Variants in GALNT13 observed in about 807,000 individuals in gnomAD.
GALNT13 encodes the protein polypeptide N-acetylgalactosaminyltransferase 13, also known as UDP-GalNAc:polypeptide N-acetylgalactosaminyltransferase 13.
In GALNT13, 28 loss-of-function variants were observed where a neutral mutation model predicts 64.2. The observed-to-expected ratio is 0.44, with a 90% CI of 0.32 to 0.60. The LOEUF (loss-of-function observed/expected upper bound fraction) is 0.60, where lower values mean the gene tolerates loss of function less well. GALNT13 is among the 20% of genes least tolerant of loss of function. The pLI is 0.05. For missense variants in GALNT13, 577 were observed against 669.8 expected (o/e 0.86, Z 1.53); for synonymous variants, 214 against 224.6 (o/e 0.95, Z 0.42).
the GALNT13 span, among the ~76,000 whole-genome samples, chr2:153,604,276 T>G: frequency 3.9e-5 from 6 of 152,040 alleles, no homozygotes; most frequent in Non-Finnish European, 7.4e-5. Flanking sequence ...CCCATCTCTT[T>G]GAAAGGGGTG....
At chr2:154,280,292 G>A (rs776125032) in intron 8 of GALNT13, among the ~76,000 whole-genome samples, 2 of 152,112 alleles carry the variant, frequency 1.3e-5, no homozygotes. Flanking sequence ...TGGCCTGTAA[G>A]CTACTAGAGA....
chr2:153,250,603 T>C, the GALNT13 span, among the ~76,000 whole-genome samples: 1 of 152,290 alleles, frequency 6.6e-6, no homozygotes, highest in South Asian at 2.1e-4. Context: ...GCAGCACTAT[T>C]TACAATAGCA....
At chr2:153,260,933 C>G in the GALNT13 span, among the ~76,000 whole-genome samples, 1 of 151,994 alleles carries the variant, frequency 6.6e-6, no homozygotes, top group African/African-American at 2.4e-5. Flanking sequence ...TTCAAATAGC[C>G]TGTCTACAAG....
chr2:153,152,546 C>T, the GALNT13 span, among the ~76,000 whole-genome samples: 1 of 151,754 alleles, frequency 6.6e-6, no homozygotes, highest in Admixed American at 6.6e-5. Context: ...CATTAGTATC[C>T]TGATCCTCTC....
chr2:154,026,636 A>G (rs1697986011), intron 3 of GALNT13, among the ~76,000 whole-genome samples: 1 of 152,168 alleles, frequency 6.6e-6, no homozygotes, highest in Admixed American at 6.5e-5. Context: ...AGTGCAAGTT[A>G]TCATTCTACC....
the GALNT13 span, among the ~76,000 whole-genome samples, chr2:153,674,168 C>T: frequency 9.1e-4 from 139 of 152,244 alleles, no homozygotes; most frequent in Middle Eastern, 3.4e-3. Context: ...AACAAACTAC[C>T]ACTGACTTTC....
At chr2:153,219,466 A>C in the GALNT13 span, among the ~76,000 whole-genome samples, 3 of 152,202 alleles carry the variant, frequency 2.0e-5, no homozygotes, top group East Asian at 5.8e-4. Flanking sequence ...GACTTAATCC[A>C]TTATTTCCCA....
the GALNT13 span, among the ~76,000 whole-genome samples, chr2:153,450,789 A>G: frequency 6.6e-6 from 1 of 152,278 alleles, no homozygotes; most frequent in African/African-American, 2.4e-5. Flanking sequence ...GTTGCAATTG[A>G]CCAAAAGAAA....
chr2:153,719,768 C>T, the GALNT13 span, among the ~76,000 whole-genome samples: 2 of 151,622 alleles, frequency 1.3e-5, no homozygotes, highest in Non-Finnish European at 3.0e-5. Context: ...TAAAAAACGG[C>T]GCACCACGAG....
chr2:153,150,240 G>C, the GALNT13 span, among the ~76,000 whole-genome samples: 7 of 152,046 alleles, frequency 4.6e-5, no homozygotes, highest in African/African-American at 1.4e-4. Context: ...TGATACATTA[G>C]TTCCATTAAA....
Position 153,956,749 on chromosome 2 carries a change from T to C in GALNT13, c.142+12110T>C, listed in dbSNP as rs144377582. On this transcript the variant is annotated intron_variant, in intron 3 of 12. Coordinates refer to ENST00000392825, the MANE Select transcript of GALNT13 (RefSeq NM_052917.4). ...TTTCCCAATAAAGAATACATTTCTT[T>C]GGCACATTTTATGTAAACCTAGGGA... is the stretch of plus-strand genomic sequence containing the variant. 3.7e-3 allele frequency among the ~76,000 whole-genome samples: 571 copies of C among 152,312 alleles called. 4 individuals are homozygous for C. The highest frequency in any genetic ancestry group is 0.012 in the African/African-American group (513 of 41,556).
At chr2:153,459,114 A>G in the GALNT13 span, among the ~76,000 whole-genome samples, 1 of 152,150 alleles carries the variant, frequency 6.6e-6, no homozygotes, top group Non-Finnish European at 1.5e-5. Context: ...TCATTAGGAA[A>G]TTCATGGATA....
chr2:153,405,735 G>A, the GALNT13 span, among the ~76,000 whole-genome samples: 3 of 152,090 alleles, frequency 2.0e-5, no homozygotes, highest in African/African-American at 7.2e-5. Flanking sequence ...AGATTTTGAA[G>A]GACTAATATA....
intron 3 of GALNT13, among the ~76,000 whole-genome samples, chr2:154,031,916 A>T (rs1029248952): frequency 6.6e-6 from 1 of 151,992 alleles, no homozygotes; most frequent in Non-Finnish European, 1.5e-5. Flanking sequence ...CGATCAGCCA[A>T]TTTGATCTAA....
the GALNT13 span, among the ~76,000 whole-genome samples, chr2:153,814,617 T>C: frequency 6.6e-6 from 1 of 152,170 alleles, no homozygotes; most frequent in Admixed American, 6.5e-5. Context: ...GGACGGGAGC[T>C]ACCATTGCAG....
the GALNT13 span, among the ~76,000 whole-genome samples, chr2:153,142,361 C>G: frequency 4.6e-5 from 7 of 151,930 alleles, no homozygotes; most frequent in African/African-American, 1.2e-4. Flanking sequence ...AGATGATAAA[C>G]ACATGGAGGA....
chr2:154,364,822 C>T (rs531144859), intron 9 of GALNT13, among the ~76,000 whole-genome samples: 1 of 152,318 alleles, frequency 6.6e-6, no homozygotes, highest in Admixed American at 6.5e-5. Context: ...AAGCTCCTGC[C>T]ACCATACCTG....
the GALNT13 span, among the ~76,000 whole-genome samples, chr2:153,822,848 A>T: frequency 6.6e-6 from 1 of 152,220 alleles, no homozygotes; most frequent in African/African-American, 2.4e-5. Context: ...CTCTTTGTTG[A>T]TATGATGCTA....
the GALNT13 span, among the ~76,000 whole-genome samples, chr2:153,263,659 T>C: frequency 2.6e-5 from 4 of 152,154 alleles, no homozygotes; most frequent in African/African-American, 9.7e-5. Context: ...TACAATAATC[T>C]GCTCTTTGAT....
Sources: gnomAD v4.1 joint callset for allele counts (sites outside exome capture counted in the v4.1 genomes callset) on GRCh38, gnomAD v4.1.1 for gene constraint, MANE v1.5 for transcripts, NCBI Gene and HGNC (gene_info 2026-07-23, HGNC 2026-07-21) for gene names.